Variants in NF1 observed in about 807,000 individuals in gnomAD.
NF1 encodes neurofibromin 1, also known as neurofibromin.
A neutral mutation model predicts 325.7 loss-of-function variants in NF1; 122 were observed. The observed-to-expected ratio is 0.37, with a 90% CI of 0.32 to 0.44. NF1 has a LOEUF of 0.44. Ranked by LOEUF, NF1 falls within the 20% of genes least tolerant of loss-of-function variation. The pLI is 1.00. For missense variants in NF1, 2,140 were observed against 3,415.4 expected, an observed-to-expected ratio of 0.63 and a Z score of 9.31; for synonymous variants, 1,091 against 1,186.0, an observed-to-expected ratio of 0.92 and a Z score of 1.65.
Position 31,153,361 on chromosome 17 carries a change from A to G in NF1, c.61-2622A>G, listed in dbSNP as rs73273521. Among the ~76,000 whole-genome samples, 1,226 of 152,362 alleles carry G rather than the reference A, an allele frequency of 8.0e-3. 22 individuals are homozygous for G. Among genetic ancestry groups the G allele is most frequent in the African/African-American group, 0.028 (1,175 of 41,580 alleles). ...TTGGGCATTGCCCATGTAGAGCACT[A>G]TCATTACCACAGCAAATCCTATTAG... On this transcript the variant is annotated intron_variant, in intron 1 of 57. Transcript: ENST00000358273.
intron 36 of NF1, among the ~76,000 whole-genome samples, chr17:31,291,882 C>A (rs575065316): frequency 1.5e-4 from 23 of 152,284 alleles, no homozygotes; most frequent in African/African-American, 5.5e-4. Flanking sequence ...CATTCCCTTG[C>A]TCTCAGTGTG....
intron 11 of NF1, among the ~76,000 whole-genome samples, chr17:31,203,151 C>T (rs547043806): frequency 2.0e-5 from 3 of 152,286 alleles, no homozygotes; most frequent in African/African-American, 7.2e-5. Context: ...TGAGCTGCTC[C>T]TTTCTGGGTT....
At position 31,305,028 on chromosome 17, in the gene NF1, G is replaced by T. The variant is rs138018396; in HGVS notation, c.4836-20792G>T. On this transcript the variant is annotated intron_variant, in intron 36 of 57. Coordinates refer to ENST00000358273, the MANE Select transcript of NF1 (RefSeq NM_001042492.3). ...TTGAATTATAATTGTTTTTTTGTGGGGTTTGTTTGTTACTGGTAGTATCTA... is the reference window on the plus strand; with the variant it reads ...TTGAATTATAATTGTTTTTTTGTGGTGTTTGTTTGTTACTGGTAGTATCTA... 2.3e-4 allele frequency: 367 copies of T among 1,613,888 alleles called. 1 individual carries two copies. The highest frequency in any genetic ancestry group is 1.2e-4 in the Admixed American group (7 of 59,984).
chr17:31,282,771 A>G (rs1231306585), intron 36 of NF1, among the ~76,000 whole-genome samples: 1 of 152,166 alleles, frequency 6.6e-6, no homozygotes, highest in Non-Finnish European at 1.5e-5. Context: ...CAGTTTTTTT[A>G]GATACATATC....
intron 36 of NF1, chr17:31,296,690 C>T: frequency 3.9e-6 from 1 of 257,958 alleles, no homozygotes; most frequent in Non-Finnish European, 7.6e-6. Flanking sequence ...CAGTTGTAGG[C>T]TATTACTATT....
intron 31 of NF1, among the ~76,000 whole-genome samples, chr17:31,256,581 A>G (rs999973653): frequency 3.3e-5 from 5 of 152,214 alleles, no homozygotes; most frequent in African/African-American, 9.7e-5. Context: ...TCAGATTTCA[A>G]AGAGGTTCCT....
chr17:31,287,328 A>T (rs376579801), intron 36 of NF1, among the ~76,000 whole-genome samples: 7 of 152,244 alleles, frequency 4.6e-5, no homozygotes, highest in African/African-American at 1.7e-4. Flanking sequence ...CTTCTGGAGT[A>T]TATGTTCTTA....
At chr17:31,307,059 G>A (rs2068743489) in intron 36 of NF1, among the ~76,000 whole-genome samples, 1 of 151,254 alleles carries the variant, frequency 6.6e-6, no homozygotes, top group Non-Finnish European at 1.5e-5. Flanking sequence ...GTCTTACTCT[G>A]TCACCCAGGC....
intron 1 of NF1, among the ~76,000 whole-genome samples, chr17:31,114,553 A>G (rs1011665346): frequency 1.3e-5 from 2 of 150,718 alleles, no homozygotes; most frequent in Non-Finnish European, 3.0e-5. Flanking sequence ...AGAATAAAAA[A>G]AAAAAAGAAA....
chr17:31,187,881 TC>T (rs1268458375), intron 8 of NF1, among the ~76,000 whole-genome samples: 8 of 152,158 alleles, frequency 5.3e-5, no homozygotes, highest in Middle Eastern at 3.2e-3. Flanking sequence ...CACTTTGGGC[TC>T]CTCCTACCTT....
intron 3 of NF1, among the ~76,000 whole-genome samples, chr17:31,160,649 T>C (rs976807425): frequency 1.3e-5 from 2 of 152,214 alleles, no homozygotes; most frequent in African/African-American, 4.8e-5. Flanking sequence ...GTCTTATTAC[T>C]TTGACTGCAA....
chr17:31,142,791 CG>C (rs1206136787), intron 1 of NF1, among the ~76,000 whole-genome samples: 1 of 151,688 alleles, frequency 6.6e-6, no homozygotes, highest in Non-Finnish European at 1.5e-5. Flanking sequence ...GGCATGAACC[CG>C]GGAGGCGGAG....
intron 1 of NF1, among the ~76,000 whole-genome samples, chr17:31,100,633 G>A (rs981690900): frequency 2.0e-5 from 3 of 151,984 alleles, no homozygotes; most frequent in Non-Finnish European, 2.9e-5. Context: ...GCAGTGGCGC[G>A]ATCTCAGCTC....
chr17:31,214,771 G>T (rs1213599338), intron 13 of NF1, among the ~76,000 whole-genome samples, 186 bp downstream of exon 13: 2 of 152,112 alleles, frequency 1.3e-5, no homozygotes, highest in Admixed American at 1.3e-4. Context: ...AATTAGATCA[G>T]ATTCTTAATT....
chr17:31,191,271 G>T (rs572645543), intron 8 of NF1, among the ~76,000 whole-genome samples: 1 of 152,136 alleles, frequency 6.6e-6, no homozygotes, highest in Middle Eastern at 3.4e-3. Context: ...ATTATGTTGT[G>T]TACCTATAAT....
intron 36 of NF1, among the ~76,000 whole-genome samples, chr17:31,308,616 T>C (rs1357430362): frequency 1.4e-5 from 2 of 147,670 alleles, no homozygotes; most frequent in South Asian, 2.2e-4. Context: ...TGCTGTTTTT[T>C]ACCCTTCTCA....
At chr17:31,169,416 GT>G (rs2065896992) in intron 4 of NF1, among the ~76,000 whole-genome samples, 1 of 151,984 alleles carries the variant, frequency 6.6e-6, no homozygotes, top group South Asian at 2.1e-4. Flanking sequence ...TCCCTTGTTT[GT>G]TATGTTCCTT....
intron 8 of NF1, among the ~76,000 whole-genome samples, chr17:31,190,239 A>G (rs1316170771): frequency 1.3e-5 from 2 of 152,058 alleles, no homozygotes; most frequent in African/African-American, 4.8e-5. Context: ...CCTGGGCGAC[A>G]GAGCGAGATT....
chr17:31,136,803 T>C (rs1242899898), intron 1 of NF1: 1 of 152,182 alleles, frequency 6.6e-6, no homozygotes, highest in Non-Finnish European at 1.5e-5. Flanking sequence ...AATTAAACTT[T>C]TTTATAGGCA....
Sources: gnomAD v4.1 joint callset for allele counts (sites outside exome capture counted in the v4.1 genomes callset) on GRCh38, gnomAD v4.1.1 for gene constraint, MANE v1.5 for transcripts, NCBI Gene and HGNC (gene_info 2026-07-23, HGNC 2026-07-21) for gene names.